TRHDE: variants seen among roughly 807,000 people sequenced by gnomAD.
The protein encoded by TRHDE is thyrotropin-releasing hormone-degrading ectoenzyme.
A neutral mutation model predicts 125.7 loss-of-function variants in TRHDE; 72 were observed. The observed-to-expected ratio is 0.57, with a 90% CI of 0.47 to 0.70. The LOEUF (loss-of-function observed/expected upper bound fraction) is 0.70, where lower values mean the gene tolerates loss of function less well. Ranked by LOEUF, TRHDE falls within the 30% of genes least tolerant of loss-of-function variation. The pLI is 0.00. For missense variants in TRHDE, 1,110 were observed against 1,327.1 expected, an observed-to-expected ratio of 0.84 and a Z score of 2.54; for synonymous variants, 509 against 509.1, an observed-to-expected ratio of 1.00 and a Z score of 0.00.
In TRHDE at chr12:72,273,054, CCCT is replaced by C; in HGVS notation, c.412_414del (p.Pro138del). On this transcript the variant is annotated inframe_deletion, in exon 1 of 19. Transcript: ENST00000261180. The surrounding 1 kb of genome is among the most constrained non-coding windows in gnomAD (Gnocchi z 5.3). ...CGGAGCGCGGCGGCAACGGGAGCCT[CCCT>C]GGATCGGCCCGGCGCAACCACCACG... The C allele has an allele frequency of 6.5e-7, 1 of 1,533,182 alleles. No homozygotes were observed. Among genetic ancestry groups the C allele is most frequent in the South Asian group, 1.2e-5 (1 of 84,028 alleles). 95.0% of individuals were successfully genotyped at this position (1,533,182 alleles called of 1,614,324 possible).
intron 12 of TRHDE, among the ~76,000 whole-genome samples, chr12:72,587,093 A>C (rs1182758913): frequency 6.6e-6 from 1 of 152,160 alleles, no homozygotes; most frequent in Non-Finnish European, 1.5e-5. Context: ...TTTATCCATG[A>C]CATGTTGAGG....
intron 2 of TRHDE, among the ~76,000 whole-genome samples, chr12:72,344,647 G>T (rs904081181): frequency 6.6e-6 from 1 of 152,094 alleles, no homozygotes; most frequent in African/African-American, 2.4e-5. Flanking sequence ...CAATAGTCTG[G>T]TGTGCTGTTG....
chr12:72,291,898 C>G (rs1325970623), intron 2 of TRHDE, among the ~76,000 whole-genome samples: 1 of 152,194 alleles, frequency 6.6e-6, no homozygotes, highest in African/African-American at 2.4e-5. Context: ...ATTGAATAAC[C>G]TCAGCTTGCT....
intron 12 of TRHDE, among the ~76,000 whole-genome samples, chr12:72,600,771 TC>T (rs1229026870): frequency 6.6e-6 from 1 of 151,976 alleles, no homozygotes; most frequent in African/African-American, 2.4e-5. Flanking sequence ...TGACAACACA[TC>T]TATTTACAGA....
intron 2 of TRHDE, among the ~76,000 whole-genome samples, chr12:72,200,173 G>T (rs1476480530): frequency 1.3e-5 from 2 of 152,166 alleles, no homozygotes; most frequent in African/African-American, 4.8e-5. Context: ...TTCCTCCAGT[G>T]GAATAAGAAC....
intron 15 of TRHDE, among the ~76,000 whole-genome samples, chr12:72,636,672 C>T (rs538636802): frequency 3.9e-4 from 59 of 152,202 alleles, no homozygotes; most frequent in Non-Finnish European, 7.1e-4. Context: ...TTTTGAAGTA[C>T]GTCCCATCAA....
chr12:72,384,072 A>T (rs540103125), intron 3 of TRHDE, among the ~76,000 whole-genome samples: 30 of 152,298 alleles, frequency 2.0e-4, no homozygotes, highest in Admixed American at 7.8e-4. Flanking sequence ...GAGTATTGCA[A>T]ATGTGTTTTA....
intron 2 of TRHDE, among the ~76,000 whole-genome samples, chr12:72,140,602 C>T (rs1876090105): frequency 6.6e-6 from 1 of 152,062 alleles, no homozygotes; most frequent in African/African-American, 2.4e-5. Flanking sequence ...ACAGAGTTTG[C>T]CTTCTTTTGT....
intron 2 of TRHDE, among the ~76,000 whole-genome samples, chr12:72,158,456 CTT>C (rs150825673): frequency 0.017 from 2,545 of 151,764 alleles, 71 homozygotes; most frequent in South Asian, 0.11. Context: ...GTAATTGCCT[CTT>C]TGTGTCTTTC....
intron 2 of TRHDE, among the ~76,000 whole-genome samples, chr12:72,125,961 A>G (rs189509304): frequency 2.6e-5 from 4 of 152,294 alleles, no homozygotes; most frequent in Admixed American, 2.0e-4. Flanking sequence ...AGAACAGAGT[A>G]TTAGAGAGGA....
intron 6 of TRHDE, among the ~76,000 whole-genome samples, chr12:72,519,379 C>G (rs189694078): frequency 6.6e-6 from 1 of 152,270 alleles, no homozygotes; most frequent in East Asian, 1.9e-4. Context: ...TCCTTTCTCA[C>G]TTCGTTTCAT....
chr12:72,512,851 A>G (rs180886456), intron 6 of TRHDE, among the ~76,000 whole-genome samples: 8 of 151,810 alleles, frequency 5.3e-5, no homozygotes, highest in Non-Finnish European at 1.0e-4. Flanking sequence ...ATTTACAGAA[A>G]GAACACTTGG....
chr12:72,168,630 G>A (rs1026910213), intron 2 of TRHDE, among the ~76,000 whole-genome samples: 4 of 152,252 alleles, frequency 2.6e-5, no homozygotes, highest in Admixed American at 2.0e-4. Flanking sequence ...ATCCTGTTAT[G>A]TTTTGACTAG....
chr12:72,177,049 T>G (rs886748053), intron 2 of TRHDE, among the ~76,000 whole-genome samples: 4 of 152,042 alleles, frequency 2.6e-5, no homozygotes, highest in Non-Finnish European at 5.9e-5. Context: ...ATCCCCACAA[T>G]TCAAGTGACT....
chr12:72,518,600 A>G (rs1336796841), intron 6 of TRHDE, among the ~76,000 whole-genome samples: 4 of 151,956 alleles, frequency 2.6e-5, no homozygotes, highest in Non-Finnish European at 4.4e-5. Flanking sequence ...TCTTTATCCA[A>G]TTTCCCAGTC....
intron 2 of TRHDE, among the ~76,000 whole-genome samples, chr12:72,118,160 T>A (rs1442557173): frequency 1.3e-5 from 2 of 152,010 alleles, no homozygotes; most frequent in African/African-American, 4.8e-5. Flanking sequence ...TGGGAAGATT[T>A]TCCCCATTCA....
intron 2 of TRHDE, among the ~76,000 whole-genome samples, chr12:72,120,018 C>A (rs886390621): frequency 1.3e-5 from 2 of 151,704 alleles, no homozygotes; most frequent in Non-Finnish European, 2.9e-5. Flanking sequence ...AGTCCATTTA[C>A]ATTCAATGCT....
chr12:72,507,594 T>A (rs1415721221), intron 6 of TRHDE, among the ~76,000 whole-genome samples: 2 of 152,214 alleles, frequency 1.3e-5, no homozygotes, highest in Non-Finnish European at 2.9e-5. Context: ...TGAAATTGTA[T>A]GAAACTGGAA....
At chr12:72,333,995 A>G (rs1869721404) in intron 2 of TRHDE, among the ~76,000 whole-genome samples, 1 of 152,182 alleles carries the variant, frequency 6.6e-6, no homozygotes, top group African/African-American at 2.4e-5. Flanking sequence ...AATGGGTATA[A>G]TTTTAGGTTT....
Sources: gnomAD v4.1 joint callset for allele counts (sites outside exome capture counted in the v4.1 genomes callset) on GRCh38, gnomAD v4.1.1 for gene constraint, Gnocchi (gnomAD v3.1) non-coding constraint, MANE v1.5 for transcripts, NCBI Gene and HGNC (gene_info 2026-07-23, HGNC 2026-07-21) for gene names.